SHC4: variants seen among roughly 807,000 people sequenced by gnomAD.
The protein encoded by SHC4 is SHC-transforming protein 4.
In SHC4, 41 loss-of-function variants were observed where a neutral mutation model predicts 69.4. That is an observed-to-expected ratio of 0.59 (90% CI 0.46 to 0.77). SHC4 has a LOEUF of 0.77. SHC4 is among the 30% of genes least tolerant of loss of function. The probability of loss-of-function intolerance (pLI) is 0.00; values close to 1 mark genes in which losing one functional copy is unlikely to be tolerated. For synonymous variants in SHC4, 318 were observed against 299.3 expected, an observed-to-expected ratio of 1.06 and a Z score of -0.64; for missense variants, 777 against 783.8, an observed-to-expected ratio of 0.99 and a Z score of 0.10.
Position 48,851,249 on chromosome 15 carries a change from C to G in SHC4, c.1243-1G>C. 1 of 1,613,982 alleles carries G rather than the reference C, an allele frequency of 6.2e-7. No homozygotes were observed. The highest frequency in any genetic ancestry group is 8.5e-7 in the Non-Finnish European group (1 of 1,179,924). The stretch of plus-strand genomic sequence containing the variant: ...CACTGCTGCACTTGGAGTTTCCAGG[C>G]TGCATGAACAACAAATTATGAAACA... On this transcript the variant is annotated splice_acceptor_variant, in intron 8 of 11. Transcript: ENST00000332408. LOFTEE classifies it high-confidence loss of function.
intron 6 of SHC4, among the ~76,000 whole-genome samples, chr15:48,861,295 C>T (rs1429104278): frequency 6.6e-6 from 1 of 152,170 alleles, no homozygotes; most frequent in Non-Finnish European, 1.5e-5. Context: ...AAAGAACAAA[C>T]AGTGGTGTCT....
chr15:48,872,352 C>G (rs1485391810), intron 4 of SHC4, among the ~76,000 whole-genome samples: 1 of 152,186 alleles, frequency 6.6e-6, no homozygotes, highest in African/African-American at 2.4e-5. Flanking sequence ...CTTGCCCACC[C>G]AGGTGGAACA....
At chr15:48,843,303 A>G (rs1166262152) in intron 10 of SHC4, 106 bp downstream of exon 10, 1 of 1,150,852 alleles carries the variant, frequency 8.7e-7, no homozygotes, top group Non-Finnish European at 1.2e-6. Context: ...TGACACTTTG[A>G]TTTTGGACTT....
rs114280608 is a variant in SHC4, at chr15:48,831,239, T to C, written c.1737+3530A>G. Among the ~76,000 whole-genome samples the C allele has an allele frequency of 4.6e-3, 703 of 151,740 alleles. 5 individuals carry two copies. The highest frequency in any genetic ancestry group is 0.017 in the African/African-American group (679 of 41,108). ...AAAATTACAGTAAACTCAAGTTAATTTATTATTGAAGAAAGAAAATTAAAA... is the reference window on the plus strand; with the variant it reads ...AAAATTACAGTAAACTCAAGTTAATCTATTATTGAAGAAAGAAAATTAAAA... On this transcript the variant is annotated intron_variant, in intron 11 of 11. Coordinates refer to ENST00000332408, the MANE Select transcript of SHC4 (RefSeq NM_203349.4).
intron 4 of SHC4, among the ~76,000 whole-genome samples, chr15:48,874,747 T>G (rs538516264): frequency 6.6e-6 from 1 of 152,264 alleles, no homozygotes; most frequent in South Asian, 2.1e-4. Context: ...CAAAACCCTA[T>G]CGGTAAGTAG....
At chr15:48,924,541 A>AT (rs1900812187) in intron 2 of SHC4, among the ~76,000 whole-genome samples, 1 of 152,064 alleles carries the variant, frequency 6.6e-6, no homozygotes. Context: ...ACTTGGTCTT[A>AT]TTTTCTGCTA....
chr15:48,939,479 G>T (rs1567074987), intron 1 of SHC4, among the ~76,000 whole-genome samples: 1 of 152,352 alleles, frequency 6.6e-6, no homozygotes, highest in East Asian at 1.9e-4. Flanking sequence ...TGAGATATCA[G>T]CAGGGGCTAC....
rs865802037 is a variant in SHC4, at chr15:48,868,763, G to A, written c.895-894C>T. Among the ~76,000 whole-genome samples the A allele has an allele frequency of 4.6e-5, 7 of 152,244 alleles. No individual in the cohort carries two copies. In the South Asian group the frequency reaches 1.5e-3, roughly 32 times the overall value. On this transcript the variant is annotated intron_variant, in intron 5 of 11. Coordinates refer to ENST00000332408, the MANE Select transcript of SHC4 (RefSeq NM_203349.4). ...ACCCACAATGAATCACACAGGAAGT[G>A]GATCTCAGGGTCAGCATAACTCGTC...
At chr15:48,909,713 A>C (rs915201784) in intron 2 of SHC4, among the ~76,000 whole-genome samples, 2 of 151,924 alleles carry the variant, frequency 1.3e-5, no homozygotes, top group Non-Finnish European at 2.9e-5. Context: ...GCTTTTATTA[A>C]ATTAAGGTGT....
chr15:48,838,415 G>A (rs1327985987), intron 10 of SHC4, among the ~76,000 whole-genome samples: 1 of 152,164 alleles, frequency 6.6e-6, no homozygotes, highest in Admixed American at 6.5e-5. Context: ...ATAATTGACT[G>A]TATACTGTTT....
intron 8 of SHC4, among the ~76,000 whole-genome samples, chr15:48,854,913 T>C (rs545819621): frequency 1.3e-3 from 197 of 152,298 alleles, no homozygotes; most frequent in Non-Finnish European, 1.7e-3. Flanking sequence ...AACCTCAGCA[T>C]CATGCGATAT....
At chr15:48,952,062 C>A (rs971729460) in intron 1 of SHC4, among the ~76,000 whole-genome samples, 3 of 152,114 alleles carry the variant, frequency 2.0e-5, no homozygotes, top group African/African-American at 7.2e-5. Flanking sequence ...TGTAGTCTAA[C>A]CTATCAGATG....
Position 48,907,840 on chromosome 15 carries a change from G to GTA in SHC4, c.657-17031_657-17030dup, listed in dbSNP as rs1555435743. Among the ~76,000 whole-genome samples, 1,297 of 142,196 alleles carry GTA rather than the reference G, an allele frequency of 9.1e-3. 8 individuals carry two copies. The highest frequency in any genetic ancestry group is 0.013 in the South Asian group (60 of 4,448). The allele number at this position is 142,196 out of a possible 152,430, so 93.3% of individuals were successfully genotyped here. On this transcript the variant is annotated intron_variant, in intron 2 of 11. Transcript: ENST00000332408. ...TGTGTGTGTGTGTGTGTGTGTGTGT[G>GTA]TATATATATATATATGTATATGTAT...
chr15:48,922,630 C>T (rs1461931329), intron 2 of SHC4, among the ~76,000 whole-genome samples: 1 of 152,218 alleles, frequency 6.6e-6, no homozygotes, highest in African/African-American at 2.4e-5. Flanking sequence ...CCTCTTGATA[C>T]TTTCACACTG....
chr15:48,933,295 C>T lies in SHC4; in HGVS notation c.586-8346G>A, dbSNP rs1901006051. On this transcript the variant is annotated intron_variant, in intron 1 of 11. Coordinates refer to ENST00000332408, the MANE Select transcript of SHC4 (RefSeq NM_203349.4). Reference sequence around the variant, plus strand: ...TTCCAGCAAGTCACAATGAACAATCCAAAACAAAATTAAGAAAATAATTTC... The same window carrying T: ...TTCCAGCAAGTCACAATGAACAATCTAAAACAAAATTAAGAAAATAATTTC... Among the ~76,000 whole-genome samples, 3 of 152,032 alleles carry T rather than the reference C, an allele frequency of 2.0e-5. No homozygotes were observed. The South Asian group carries it at 6.2e-4, about 32-fold the overall frequency.
In SHC4 at chr15:48,834,943, C is replaced by T; in HGVS notation, c.1563G>A (p.Leu521=). ...TGCCATGATAGCATTCTTCGCTCCA[C>T]AGCTGCTGCTTAATGTGTGGCAAAG... is the stretch of plus-strand genomic sequence containing the variant. ...SHSLPHIKQQ[L]WSEECYHGKL... is the part of the protein sequence containing the mutation. Residue 521 remains leucine, a synonymous_variant, in exon 11 of 12, where the codon CTG becomes CTA. Transcript: ENST00000332408. 2 of 1,613,814 alleles carry T rather than the reference C, an allele frequency of 1.2e-6. No homozygotes were observed. The highest frequency in any genetic ancestry group is 4.5e-5 in the East Asian group (2 of 44,826).
chr15:48,925,543 A>G (rs1900838894), intron 1 of SHC4, among the ~76,000 whole-genome samples: 1 of 152,252 alleles, frequency 6.6e-6, no homozygotes, highest in Non-Finnish European at 1.5e-5. Context: ...AGATCTTATC[A>G]TCCTTTGCAG....
At chr15:48,924,390 A>G (rs1386510448) in intron 2 of SHC4, among the ~76,000 whole-genome samples, 2 of 152,170 alleles carry the variant, frequency 1.3e-5, no homozygotes, top group Admixed American at 1.3e-4. Flanking sequence ...CCCTGGGGTC[A>G]CCCTGGGTAA....
intron 4 of SHC4, 75 bp downstream of exon 4, chr15:48,884,173 T>C: frequency 6.8e-7 from 1 of 1,461,992 alleles, no homozygotes; most frequent in Non-Finnish European, 9.0e-7. Flanking sequence ...GTCTAAAACT[T>C]TATTCTTTTC....
Sources: allele counts gnomAD v4.1 joint callset (sites outside exome capture counted in the v4.1 genomes callset), GRCh38; gene constraint gnomAD v4.1.1; transcripts MANE v1.5; gene names NCBI Gene and HGNC (gene_info 2026-07-23, HGNC 2026-07-21).